Variants in TRPM3 observed in about 807,000 individuals in gnomAD.
The protein encoded by TRPM3 is long transient receptor potential channel 3.
A neutral mutation model predicts 181.2 loss-of-function variants in TRPM3; 77 were observed. The ratio of observed to expected loss-of-function variants is 0.42; its 90% CI spans 0.35 to 0.51. The LOEUF (loss-of-function observed/expected upper bound fraction) is 0.51, where lower values mean the gene tolerates loss of function less well. Among genes scored for constraint, TRPM3 ranks in the 20% least tolerant of loss-of-function variants. The pLI is 0.01. For synonymous variants in TRPM3, 745 were observed against 796.4 expected (o/e 0.94, Z 1.09); for missense variants, 1,759 against 2,196.7 (o/e 0.80, Z 3.98).
At chr9:70,599,209 G>A (rs980795130) in intron 20 of TRPM3, among the ~76,000 whole-genome samples, 8 of 151,976 alleles carry the variant, frequency 5.3e-5, no homozygotes, top group African/African-American at 1.5e-4. Context: ...CCCCATCATC[G>A]TCATTGCCCA....
chr9:70,611,653 G>T (rs1472518041), intron 18 of TRPM3, among the ~76,000 whole-genome samples: 3 of 152,170 alleles, frequency 2.0e-5, no homozygotes, highest in Admixed American at 2.0e-4. Context: ...ACTTCTCCCT[G>T]ACCCTTAGGC....
chr9:71,038,531 T>G (rs1449800492), intron 1 of TRPM3, among the ~76,000 whole-genome samples: 1 of 152,184 alleles, frequency 6.6e-6, no homozygotes, highest in African/African-American at 2.4e-5. Context: ...ACAATATCTT[T>G]CCCTATTTCT....
intron 1 of TRPM3, among the ~76,000 whole-genome samples, chr9:71,139,396 CATCTT>C (rs1054885329): frequency 6.6e-6 from 1 of 152,152 alleles, no homozygotes; most frequent in Non-Finnish European, 1.5e-5. Context: ...AATTTCCACT[CATCTT>C]AATTGGTATT....
intron 1 of TRPM3, among the ~76,000 whole-genome samples, chr9:71,351,554 T>A (rs559640504): frequency 1.8e-4 from 27 of 152,178 alleles, no homozygotes; most frequent in Non-Finnish European, 3.1e-4. Context: ...AATAAATAAA[T>A]CATTGTCTTT....
chr9:70,894,567 T>C (rs970668506), intron 1 of TRPM3, among the ~76,000 whole-genome samples: 5 of 152,168 alleles, frequency 3.3e-5, no homozygotes, highest in South Asian at 2.1e-4. Flanking sequence ...CTTTAGGAAC[T>C]TGGGAGTACA....
At chr9:71,383,708 A>G (rs1325445641) in intron 1 of TRPM3, among the ~76,000 whole-genome samples, 1 of 152,190 alleles carries the variant, frequency 6.6e-6, no homozygotes, top group Non-Finnish European at 1.5e-5. Context: ...TAAGTTGTAC[A>G]TTTCCTAACA....
At chr9:70,914,558 A>G (rs1479837436) in intron 1 of TRPM3, among the ~76,000 whole-genome samples, 3 of 152,206 alleles carry the variant, frequency 2.0e-5, no homozygotes, top group African/African-American at 7.2e-5. Context: ...GCATGGAGTT[A>G]CTACTGAATA....
intron 1 of TRPM3, among the ~76,000 whole-genome samples, chr9:71,420,763 GAGAAAGAGAGAGAA>G (rs2093729950): frequency 9.2e-6 from 1 of 109,232 alleles, no homozygotes; most frequent in African/African-American, 3.9e-5. Flanking sequence ...GAGAAAGAGA[GAGAAAGAGAGAGAA>G]AGAGAGAGAA....
At chr9:71,134,809 G>T (rs138457874) in intron 1 of TRPM3, among the ~76,000 whole-genome samples, 1 of 152,288 alleles carries the variant, frequency 6.6e-6, no homozygotes, top group South Asian at 2.1e-4. Context: ...TAGAGACTTT[G>T]AAGCTCAGAG....
chr9:70,533,068 A>G lies in TRPM3; in HGVS notation c.*2885T>C, dbSNP rs1458356329. On this transcript the variant is annotated 3_prime_UTR_variant, in exon 26 of 26. Coordinates refer to ENST00000677713, the MANE Select transcript of TRPM3 (RefSeq NM_001366145.2). Reference sequence around the variant, plus strand: ...ACACGTTTCACAGACGTTAGAACTTAATTTTCATGCACAACAAAAGAATCA... The same window carrying G: ...ACACGTTTCACAGACGTTAGAACTTGATTTTCATGCACAACAAAAGAATCA... The G allele has an allele frequency of 6.6e-6, 1 of 152,232 alleles. No individual in the cohort carries two copies. The highest frequency in any genetic ancestry group is 2.4e-5 in the African/African-American group (1 of 41,452). The allele number at this position is 152,232 out of a possible 1,614,324, so 9.4% of individuals were successfully genotyped here.
At chr9:70,784,800 T>C (rs1422311690) in intron 6 of TRPM3, among the ~76,000 whole-genome samples, 7 of 152,228 alleles carry the variant, frequency 4.6e-5, no homozygotes, top group Admixed American at 3.3e-4. Flanking sequence ...ATATTTTAAC[T>C]TGTTGAATCA....
chr9:71,283,486 A>G (rs1299060819), intron 1 of TRPM3, among the ~76,000 whole-genome samples: 1 of 151,412 alleles, frequency 6.6e-6, no homozygotes, highest in African/African-American at 2.4e-5. Flanking sequence ...TTTTTTTCTT[A>G]GTAGAGATGG....
At chr9:71,362,941 G>T (rs2092210536) in intron 1 of TRPM3, among the ~76,000 whole-genome samples, 1 of 152,122 alleles carries the variant, frequency 6.6e-6, no homozygotes, top group South Asian at 2.1e-4. Flanking sequence ...GATTGCTGAA[G>T]AATATAAAGA....
chr9:71,327,718 A>C (rs2089799172), intron 1 of TRPM3, among the ~76,000 whole-genome samples: 2 of 152,230 alleles, frequency 1.3e-5, no homozygotes. Context: ...TTCCTCCAAC[A>C]GTCTCTGAAG....
intron 1 of TRPM3, among the ~76,000 whole-genome samples, chr9:71,367,708 T>C (rs887150940): frequency 3.3e-5 from 5 of 152,042 alleles, no homozygotes; most frequent in African/African-American, 9.7e-5. Context: ...AAGGCAAAAG[T>C]GCTCTGTAAA....
At chr9:71,142,152 C>T (rs148349705) in intron 1 of TRPM3, among the ~76,000 whole-genome samples, 4 of 152,208 alleles carry the variant, frequency 2.6e-5, no homozygotes, top group Admixed American at 2.0e-4. Context: ...TATCTCATCC[C>T]TTGTTTGTAA....
intron 8 of TRPM3, among the ~76,000 whole-genome samples, chr9:70,749,339 C>A: frequency 6.6e-6 from 1 of 152,038 alleles, no homozygotes; most frequent in Non-Finnish European, 1.5e-5. Flanking sequence ...TGTTACCATA[C>A]TATAAAGTCT....
intron 22 of TRPM3, among the ~76,000 whole-genome samples, chr9:70,586,562 A>C (rs2057165702): frequency 6.6e-6 from 1 of 152,236 alleles, no homozygotes; most frequent in African/African-American, 2.4e-5. Flanking sequence ...GTGAAAACAA[A>C]ACCCAACAAA....
intron 1 of TRPM3, among the ~76,000 whole-genome samples, chr9:71,291,505 G>T (rs1335285637): frequency 6.6e-6 from 1 of 152,028 alleles, no homozygotes; most frequent in Non-Finnish European, 1.5e-5. Context: ...TATATTCTTT[G>T]ACAATAGAAA....
Sources: gnomAD v4.1 joint callset for allele counts (sites outside exome capture counted in the v4.1 genomes callset) on GRCh38, gnomAD v4.1.1 for gene constraint, MANE v1.5 for transcripts, NCBI Gene and HGNC (gene_info 2026-07-23, HGNC 2026-07-21) for gene names.